OR5K1: variants seen among roughly 807,000 people sequenced by gnomAD.
OR5K1 encodes the protein olfactory receptor 5K1.
In OR5K1, 7 loss-of-function variants were observed where a neutral mutation model predicts 10.4. The ratio of observed to expected loss-of-function variants is 0.67; its 90% CI spans 0.38 to 1.26. The LOEUF is 1.26. Ranked by LOEUF, OR5K1 falls within the 50% of genes most tolerant of loss-of-function variation. OR5K1 has a pLI of 0.02. For missense variants in OR5K1, 435 were observed against 366.2 expected, an observed-to-expected ratio of 1.19 and a Z score of -1.53; for synonymous variants, 135 against 128.5, an observed-to-expected ratio of 1.05 and a Z score of -0.34.
intron 1 of OR5K1, among the ~76,000 whole-genome samples, chr3:98,467,972 T>A (rs1398945892): frequency 6.6e-6 from 1 of 152,070 alleles, no homozygotes; most frequent in Admixed American, 6.6e-5. Flanking sequence ...CATCCCTATC[T>A]TGTGCCAGTT....
chr3:98,463,495 C>G (rs540119757), intron 1 of OR5K1, among the ~76,000 whole-genome samples, 188 bp downstream of exon 1: 150 of 152,100 alleles, frequency 9.9e-4, no homozygotes, highest in African/African-American at 3.4e-3. Flanking sequence ...ATTTGTATCA[C>G]TTCTGAATTC....
Position 98,469,655 on chromosome 3 carries a change from C to T in OR5K1, c.79C>T (p.Leu27=). Reference sequence around the variant, plus strand: ...AGATCACCCTGAGCTGAAGACTCTGCTGTTTGTGGTGTTCTTTGCCATCTA... The same window carrying T: ...AGATCACCCTGAGCTGAAGACTCTGTTGTTTGTGGTGTTCTTTGCCATCTA... ...FTDHPELKTL[L]FVVFFAIYLI... is the part of the protein sequence containing the mutation. Residue 27 remains leucine (L), a synonymous_variant, in exon 2 of 2, where the codon CTG becomes TTG. Transcript: ENST00000642057. The T allele has an allele frequency of 6.2e-7, 1 of 1,613,602 alleles. No homozygotes were observed. The highest frequency in any genetic ancestry group is 1.1e-5 in the South Asian group (1 of 91,064).
chr3:98,468,336 A>G (rs1422006291), intron 1 of OR5K1, among the ~76,000 whole-genome samples: 1 of 152,140 alleles, frequency 6.6e-6, no homozygotes, highest in East Asian at 1.9e-4. Flanking sequence ...TAGAAAATAC[A>G]TAAAATTTAT....
Position 98,469,656 on chromosome 3 carries a change from T to G in OR5K1, c.80T>G (p.Leu27Arg). 6.2e-7 allele frequency: 1 copy of G among 1,613,682 alleles called. No homozygotes were observed. Among genetic ancestry groups the G allele is most frequent in the South Asian group, 1.1e-5 (1 of 91,068 alleles). ...FTDHPELKTL[L>R]FVVFFAIYLI... ...GATCACCCTGAGCTGAAGACTCTGC[T>G]GTTTGTGGTGTTCTTTGCCATCTAT... The change falls in exon 2 of 2, where the codon CTG becomes CGG. Residue 27 changes from leucine to arginine, a missense_variant. Physicochemically the swap from Leu to Arg is moderately radical, Grantham distance 102. Coordinates refer to ENST00000642057, the MANE Select transcript of OR5K1 (RefSeq NM_001004736.4).
In OR5K1 at chr3:98,470,530, A is replaced by G. The variant is rs1705435983; in HGVS notation, c.*27A>G. 7.5e-7 allele frequency: 1 copy of G among 1,337,588 alleles called. No individual in the cohort carries two copies. The allele number at this position is 1,337,588 out of a possible 1,614,324, so 82.9% of individuals were successfully genotyped here. ...CTCAAGAAAGATGGAAACAAGTGAC[A>G]TCTACTATAGCTTAATGATTTAAAT... On this transcript the variant is annotated 3_prime_UTR_variant, in exon 2 of 2. Coordinates refer to ENST00000642057, the MANE Select transcript of OR5K1 (RefSeq NM_001004736.4).
At chr3:98,467,961 G>A (rs925522071) in intron 1 of OR5K1, among the ~76,000 whole-genome samples, 10 of 151,796 alleles carry the variant, frequency 6.6e-5, no homozygotes, top group Admixed American at 2.0e-4. Context: ...GTGAGAGAGG[G>A]CATCCCTATC....
At chr3:98,467,828 C>A (rs945592705) in intron 1 of OR5K1, among the ~76,000 whole-genome samples, 17 of 139,940 alleles carry the variant, frequency 1.2e-4, no homozygotes, top group Non-Finnish European at 2.6e-4. Flanking sequence ...TCTAGATAAA[C>A]AATCATGTCG....
At chr3:98,463,966 G>T (rs746406127) in intron 1 of OR5K1, among the ~76,000 whole-genome samples, 2 of 152,020 alleles carry the variant, frequency 1.3e-5, no homozygotes, top group African/African-American at 2.4e-5. Flanking sequence ...GATCTTAAAG[G>T]TACATCAGCC....
intron 1 of OR5K1, among the ~76,000 whole-genome samples, chr3:98,464,889 T>C (rs1014760169): frequency 1.3e-5 from 2 of 152,166 alleles, no homozygotes; most frequent in Non-Finnish European, 2.9e-5. Flanking sequence ...AGGCATTTGC[T>C]CAATGAATCC....
rs1197632452 is a variant in OR5K1, at chr3:98,471,131, G to C, written c.*628G>C. 1 of 152,022 alleles carries C rather than the reference G, an allele frequency of 6.6e-6. No individual in the cohort carries two copies. The highest frequency in any genetic ancestry group is 1.5e-5 in the Non-Finnish European group (1 of 67,976). The allele number at this position is 152,022 out of a possible 1,614,324, so 9.4% of individuals were successfully genotyped here. A position where few individuals can be genotyped will look rare whatever the true frequency, so the allele number is the denominator to read the frequency against. The stretch of plus-strand genomic sequence containing the variant: ...ATTACTGAGTTAAATATTAAACACA[G>C]AATGTCAATTTTCAAGTCAAGCTAC... On this transcript the variant is annotated 3_prime_UTR_variant, in exon 2 of 2. Transcript: ENST00000642057.
At chr3:98,466,591 C>G (rs1446290025) in intron 1 of OR5K1, among the ~76,000 whole-genome samples, 2 of 91,302 alleles carry the variant, frequency 2.2e-5, no homozygotes, top group East Asian at 3.5e-4. Flanking sequence ...GATTGCCATT[C>G]TAACTGGTGT....
In OR5K1 at chr3:98,470,119, T is replaced by G. The variant is rs1705427325; in HGVS notation, c.543T>G (p.Ile181Met). ...SNHINHFYCDILPLYRLSCVD... is the reference protein window; with the variant it reads ...SNHINHFYCDMLPLYRLSCVD... Reference sequence around the variant, plus strand: ...ACATCAACCACTTTTACTGTGATATTCTTCCCTTGTATAGACTCTCTTGTG... The same window carrying G: ...ACATCAACCACTTTTACTGTGATATGCTTCCCTTGTATAGACTCTCTTGTG... Residue 181 changes from isoleucine to methionine, a missense_variant, in exon 2 of 2, where the codon ATT becomes ATG. Ile to Met is a conservative substitution (Grantham distance 10). Coordinates refer to ENST00000642057, the MANE Select transcript of OR5K1 (RefSeq NM_001004736.4). The G allele has an allele frequency of 6.2e-7, 1 of 1,613,548 alleles. No homozygotes were observed. Among genetic ancestry groups the G allele is most frequent in the Non-Finnish European group, 8.5e-7 (1 of 1,179,726 alleles).
rs1360148210 is a variant in OR5K1, at chr3:98,470,052, A to T, written c.476A>T (p.His159Leu). 3.7e-6 allele frequency: 6 copies of T among 1,613,508 alleles called. No individual in the cohort carries two copies. The Admixed American group carries it at 1.0e-4, about 27-fold the overall frequency. Residue 159 changes from histidine to leucine, a missense_variant, in exon 2 of 2, where the codon CAT (histidine) becomes CTT (leucine). Physicochemically the swap from His to Leu is moderately conservative, Grantham distance 99. Coordinates refer to ENST00000642057, the MANE Select transcript of OR5K1 (RefSeq NM_001004736.4). ...GCTGGAAACCTGCATTCCATGATTC[A>T]TGTAGGGCTTGTATTTAGGTTAGTT... Reference protein sequence around the residue: ...FIAGNLHSMIHVGLVFRLVFC... With the variant: ...FIAGNLHSMILVGLVFRLVFC...
rs1466424234 is a variant in OR5K1 at position 98,469,939 on chromosome 3, C to A, written c.363C>A (p.Asp121Glu). The change falls in exon 2 of 2, where the codon GAC becomes GAA. Residue 121 changes from aspartate (D) to glutamate (E), a missense_variant. Coordinates refer to ENST00000642057, the MANE Select transcript of OR5K1 (RefSeq NM_001004736.4). ...DCFLLAAMAY[D>E]RYVAICNPLQ... is the part of the protein sequence containing the mutation. ...TTCTTCTGGCAGCAATGGCCTATGA[C>A]CGCTATGTGGCCATATGCAACCCAC... 1.2e-6 allele frequency: 2 copies of A among 1,613,636 alleles called. No homozygotes were observed. The highest frequency in any genetic ancestry group is 1.3e-5 in the African/African-American group (1 of 74,904).
In OR5K1 at chr3:98,472,920, A is replaced by C. The variant is rs1196598000; in HGVS notation, c.*2417A>C. On this transcript the variant is annotated 3_prime_UTR_variant, in exon 2 of 2. Coordinates refer to ENST00000642057, the MANE Select transcript of OR5K1 (RefSeq NM_001004736.4). The stretch of plus-strand genomic sequence containing the variant: ...GACTCATTTTATGGTATGCAGAGGA[A>C]AACAGACATGTTTAAAACAATATTT... The C allele has an allele frequency of 6.6e-6, 1 of 151,990 alleles. No homozygotes were observed. The highest frequency in any genetic ancestry group is 1.5e-5 in the Non-Finnish European group (1 of 67,940). 9.4% of individuals were successfully genotyped at this position (151,990 alleles called of 1,614,324 possible).
intron 1 of OR5K1, among the ~76,000 whole-genome samples, chr3:98,465,831 GT>G (rs1484574676): frequency 6.6e-6 from 1 of 150,900 alleles, no homozygotes; most frequent in Non-Finnish European, 1.5e-5. Context: ...CAGTCTCCCA[GT>G]TTTTGTTTGA....
intron 1 of OR5K1, among the ~76,000 whole-genome samples, chr3:98,468,983 C>T (rs1705408856): frequency 1.3e-5 from 2 of 151,966 alleles, no homozygotes; most frequent in South Asian, 4.1e-4. Context: ...GTATTTCTTC[C>T]TCAAAATGTG....
rs1559640458 is a variant in OR5K1, at chr3:98,469,554, A to G, written c.-11-12A>G. On this transcript the variant is annotated splice_polypyrimidine_tract_variant and intron_variant, in intron 1 of 1. Coordinates refer to ENST00000642057, the MANE Select transcript of OR5K1 (RefSeq NM_001004736.4). ...TAAATTAGTGCCTTCTTTCTCCACAATTTTTTTTCAGACAAGTCAGGAATG... is the reference window on the plus strand; with the variant it reads ...TAAATTAGTGCCTTCTTTCTCCACAGTTTTTTTTCAGACAAGTCAGGAATG... 2 of 1,592,238 alleles carry G rather than the reference A, an allele frequency of 1.3e-6. No individual in the cohort carries two copies. The highest frequency in any genetic ancestry group is 3.5e-5 in the Admixed American group (2 of 56,982).
At chr3:98,464,026 A>T (rs1030549003) in intron 1 of OR5K1, among the ~76,000 whole-genome samples, 3 of 152,120 alleles carry the variant, frequency 2.0e-5, no homozygotes, top group Admixed American at 6.6e-5. Context: ...AGGCTGAGGC[A>T]GGAGGATCAC....
Sources: gnomAD v4.1 joint callset for allele counts (sites outside exome capture counted in the v4.1 genomes callset) on GRCh38, gnomAD v4.1.1 for gene constraint, MANE v1.5 for transcripts, NCBI Gene and HGNC (gene_info 2026-07-23, HGNC 2026-07-21) for gene names.